AHCTF1: variants seen among roughly 807,000 people sequenced by gnomAD.
AHCTF1 encodes the protein protein ELYS.
Under a neutral mutation model 248.4 loss-of-function variants are expected in AHCTF1, and 24 were observed. That is an observed-to-expected ratio of 0.10 (90% CI 0.07 to 0.14). The LOEUF (loss-of-function observed/expected upper bound fraction) is 0.14. AHCTF1 is among the 10% of genes least tolerant of loss of function. The probability of loss-of-function intolerance (pLI) is 1.00; values close to 1 mark genes in which losing one functional copy is unlikely to be tolerated. For synonymous variants in AHCTF1, 786 were observed against 929.8 expected (o/e 0.85, Z 2.81); for missense variants, 2,206 against 2,636.2 (o/e 0.84, Z 3.57).
chr1:246,911,252 C>T (rs1485709953), intron 4 of AHCTF1, among the ~76,000 whole-genome samples: 2 of 152,114 alleles, frequency 1.3e-5, no homozygotes. Context: ...TAGCCTTACA[C>T]CTATAACCAC....
intron 24 of AHCTF1, among the ~76,000 whole-genome samples, chr1:246,873,685 G>T (rs1662755018): frequency 1.3e-5 from 2 of 152,180 alleles, no homozygotes; most frequent in Non-Finnish European, 2.9e-5. Flanking sequence ...CAAAGGGAAA[G>T]AATCTGTCCT....
chr1:246,908,226 G>T (rs1558268647), intron 4 of AHCTF1, among the ~76,000 whole-genome samples: 1 of 151,152 alleles, frequency 6.6e-6, no homozygotes, highest in African/African-American at 2.4e-5. Flanking sequence ...AACATGAAGG[G>T]GCTCTCATTA....
At chr1:246,853,336 T>C (rs769274809) in intron 31 of AHCTF1, 37 bp from the exon 32 acceptor site, 17 of 1,537,922 alleles carry the variant, frequency 1.1e-5, no homozygotes, top group African/African-American at 1.4e-5. Context: ...ACATTTAAAC[T>C]GAAAAATAAA....
At chr1:246,895,785 G>T in intron 13 of AHCTF1, 50 bp downstream of exon 13, 7 of 1,419,806 alleles carry the variant, frequency 4.9e-6, no homozygotes, top group Non-Finnish European at 6.8e-6. Flanking sequence ...CAAATAGCAA[G>T]TTGATAACTT....
intron 1 of AHCTF1, chr1:246,931,114 G>A: frequency 2.6e-6 from 4 of 1,548,220 alleles, no homozygotes; most frequent in East Asian, 2.5e-5. Flanking sequence ...CTTCTTCCCC[G>A]CCAGGACTAC....
intron 4 of AHCTF1, among the ~76,000 whole-genome samples, chr1:246,909,723 C>T (rs748610843): frequency 9.9e-5 from 15 of 152,130 alleles, no homozygotes; most frequent in Admixed American, 2.6e-4. Context: ...ATAATGTGTG[C>T]AGGGTTCAGT....
chr1:246,900,862 C>T (rs1450254207), intron 8 of AHCTF1, among the ~76,000 whole-genome samples: 1 of 152,044 alleles, frequency 6.6e-6, no homozygotes, highest in Non-Finnish European at 1.5e-5. Flanking sequence ...GGCATTAAGG[C>T]TTTATTATGA....
intron 29 of AHCTF1, among the ~76,000 whole-genome samples, chr1:246,860,677 T>C (rs1334774474): frequency 2.0e-5 from 3 of 152,160 alleles, no homozygotes; most frequent in African/African-American, 7.2e-5. Flanking sequence ...AATTTTTAAA[T>C]TTCTATTTTG....
Position 246,839,511 on chromosome 1 carries a change from G to T in AHCTF1, c.*1295C>A. On this transcript the variant is annotated 3_prime_UTR_variant, in exon 36 of 36. Transcript: ENST00000648844. ...AGTCAGTGAAATTTTCAACAAGGCA[G>T]CGTAACATCCATCACTAACCTGACT... The T allele has an allele frequency of 1.0e-6, 1 of 985,510 alleles. No homozygotes were observed. The allele number at this position is 985,510 out of a possible 1,614,324, so 61.0% of individuals were successfully genotyped here.
chr1:246,906,437 C>G (rs1665398032), intron 5 of AHCTF1, among the ~76,000 whole-genome samples: 1 of 151,914 alleles, frequency 6.6e-6, no homozygotes, highest in Non-Finnish European at 1.5e-5. Flanking sequence ...CAAAAACTAG[C>G]TGGGTTCAGT....
chr1:246,839,508 G>A lies in AHCTF1; in HGVS notation c.*1298C>T. On this transcript the variant is annotated 3_prime_UTR_variant, in exon 36 of 36. Coordinates refer to ENST00000648844, the MANE Select transcript of AHCTF1 (RefSeq NM_001323342.2). ...CAAAGTCAGTGAAATTTTCAACAAG[G>A]CAGCGTAACATCCATCACTAACCTG... 1 of 985,332 alleles carries A rather than the reference G, an allele frequency of 1.0e-6. No individual in the cohort carries two copies. Among genetic ancestry groups the A allele is most frequent in the Non-Finnish European group, 1.2e-6 (1 of 829,610 alleles). 61.0% of individuals were successfully genotyped at this position (985,332 alleles called of 1,614,324 possible).
intron 11 of AHCTF1, among the ~76,000 whole-genome samples, chr1:246,898,989 G>C (rs1024741618): frequency 6.6e-6 from 1 of 152,172 alleles, no homozygotes; most frequent in East Asian, 1.9e-4. Context: ...TTCAGGTGGC[G>C]GAGGCAGAAG....
intron 5 of AHCTF1, 106 bp from the exon 6 acceptor site, chr1:246,905,763 C>G (rs2103188534): frequency 1.3e-6 from 1 of 776,046 alleles, no homozygotes. Context: ...TACACTTCCC[C>G]AGAATAAGTG....
chr1:246,923,595 T>C (rs1235014417), intron 1 of AHCTF1, among the ~76,000 whole-genome samples: 2 of 152,176 alleles, frequency 1.3e-5, no homozygotes, highest in African/African-American at 2.4e-5. Flanking sequence ...AGCAGACATG[T>C]GGACTCTTCA....
chr1:246,840,812 C>G lies in AHCTF1; in HGVS notation c.6795G>C (p.Met2265Ile). The G allele has an allele frequency of 6.3e-7, 1 of 1,596,028 alleles. No individual in the cohort carries two copies. Among genetic ancestry groups the G allele is most frequent in the Non-Finnish European group, 8.5e-7 (1 of 1,173,360 alleles). ...SYPKQILRRK[M>I]L ...TTAAAATCTTCCCAAGAAATTACAGCATTTTTCTGCGTAAAATTTGCTTTG... is the reference window on the plus strand; with the variant it reads ...TTAAAATCTTCCCAAGAAATTACAGGATTTTTCTGCGTAAAATTTGCTTTG... Residue 2265 changes from methionine to isoleucine, a missense_variant, in exon 36 of 36, where the codon ATG becomes ATC. Coordinates refer to ENST00000648844, the MANE Select transcript of AHCTF1 (RefSeq NM_001323342.2).
chr1:246,857,744 T>C lies in AHCTF1; in HGVS notation c.4203A>G (p.Leu1401=). 4 of 1,613,992 alleles carry C rather than the reference T, an allele frequency of 2.5e-6. No homozygotes were observed. Among genetic ancestry groups the C allele is most frequent in the Non-Finnish European group, 3.4e-6 (4 of 1,179,942 alleles). ...AAEAFSELNH[L]SPVQGTEASL... is the part of the protein sequence containing the mutation. ...AAGCTTCAGTTCCTTGAACCGGGCT[T>C]AAGTGATTCAATTCTGAAAATGCCT... Residue 1401 remains leucine (L), a synonymous_variant, in exon 30 of 36, where the codon TTA becomes TTG. Transcript: ENST00000648844.
At chr1:246,895,563 G>C (rs1664514138) in intron 13 of AHCTF1, among the ~76,000 whole-genome samples, 1 of 152,084 alleles carries the variant, frequency 6.6e-6, no homozygotes, top group Non-Finnish European at 1.5e-5. Context: ...CAAAATTCTT[G>C]CCAGGGGTTA....
intron 21 of AHCTF1, among the ~76,000 whole-genome samples, chr1:246,879,420 C>T (rs1663230302): frequency 6.6e-6 from 1 of 152,106 alleles, no homozygotes; most frequent in African/African-American, 2.4e-5. Context: ...TCCTTTCACC[C>T]TAGGATTTTA....
chr1:246,925,420 G>C (rs1193418889), intron 1 of AHCTF1, among the ~76,000 whole-genome samples: 2 of 152,160 alleles, frequency 1.3e-5, no homozygotes, highest in Non-Finnish European at 2.9e-5. Context: ...GCAAAACAAA[G>C]ATGATATAGA....
Sources: gnomAD v4.1 joint callset for allele counts (sites outside exome capture counted in the v4.1 genomes callset) on GRCh38, gnomAD v4.1.1 for gene constraint, MANE v1.5 for transcripts, NCBI Gene and HGNC (gene_info 2026-07-23, HGNC 2026-07-21) for gene names.